The following GRID2 variants were observed in gnomAD, a reference collection of about 807,000 sequenced individuals.
The protein encoded by GRID2 is glutamate receptor ionotropic, delta-2.
A neutral mutation model predicts 114.8 loss-of-function variants in GRID2; 33 were observed. The observed-to-expected ratio is 0.29, with a 90% CI of 0.22 to 0.38. The LOEUF (loss-of-function observed/expected upper bound fraction) is 0.38, where lower values mean the gene tolerates loss of function less well. GRID2 is among the 10% of genes least tolerant of loss of function. The probability of loss-of-function intolerance (pLI) is 1.00; values close to 1 mark genes in which losing one functional copy is unlikely to be tolerated. For synonymous variants in GRID2, 505 were observed against 449.9 expected (o/e 1.12, Z -1.55); for missense variants, 1,184 against 1,257.7 (o/e 0.94, Z 0.89).
At chr4:93,217,964 T>C (rs950759607) in intron 6 of GRID2, among the ~76,000 whole-genome samples, 2 of 151,914 alleles carry the variant, frequency 1.3e-5, no homozygotes, top group Non-Finnish European at 2.9e-5. Flanking sequence ...AGTTTGGAAA[T>C]ATAACCCTAG....
intron 2 of GRID2, among the ~76,000 whole-genome samples, chr4:92,760,879 A>G (rs1340696895): frequency 1.3e-5 from 2 of 152,188 alleles, no homozygotes; most frequent in African/African-American, 2.4e-5. Context: ...TGAGGCTCTA[A>G]ATGATCACAT....
At chr4:93,676,343 T>G (rs1256123605) in intron 14 of GRID2, among the ~76,000 whole-genome samples, 1 of 152,068 alleles carries the variant, frequency 6.6e-6, no homozygotes, top group Non-Finnish European at 1.5e-5. Context: ...AAATTAGGCC[T>G]CAAAGCAATG....
intron 2 of GRID2, among the ~76,000 whole-genome samples, chr4:92,723,244 T>G (rs1735897670): frequency 6.6e-6 from 1 of 151,974 alleles, no homozygotes; most frequent in African/African-American, 2.4e-5. Context: ...AAATTGGAAT[T>G]TAAGATGTTG....
intron 14 of GRID2, among the ~76,000 whole-genome samples, chr4:93,714,062 A>G (rs1012758356): frequency 1.3e-5 from 2 of 152,050 alleles, no homozygotes; most frequent in African/African-American, 4.8e-5. Context: ...CCTAGCATCC[A>G]TTAGCTATTC....
chr4:93,383,308 A>G lies in GRID2; in HGVS notation c.1246-12299A>G, dbSNP rs189858563. 6.8e-4 allele frequency among the ~76,000 whole-genome samples: 103 copies of G among 152,238 alleles called. 1 individual carries two copies. The East Asian group carries it at 0.014, about 20-fold the overall frequency. On this transcript the variant is annotated intron_variant, in intron 8 of 15. Coordinates refer to ENST00000282020, the MANE Select transcript of GRID2 (RefSeq NM_001510.4). Reference sequence around the variant, plus strand: ...AGATCTCCAATATTTGGATTATAACATTCCTTTTGCCCATGCTGGCTTTTG... The same window carrying G: ...AGATCTCCAATATTTGGATTATAACGTTCCTTTTGCCCATGCTGGCTTTTG...
intron 1 of GRID2, among the ~76,000 whole-genome samples, chr4:92,367,597 G>T (rs1428267711): frequency 6.6e-6 from 1 of 152,010 alleles, no homozygotes; most frequent in Non-Finnish European, 1.5e-5. Flanking sequence ...GTGGGCATTG[G>T]GCAGAAAGGG....
At position 93,316,712 on chromosome 4, in the gene GRID2, G is replaced by A. The variant is rs146547164; in HGVS notation, c.1245+78222G>A. 2.5e-3 allele frequency among the ~76,000 whole-genome samples: 383 copies of A among 152,204 alleles called. 2 individuals carry two copies. The highest frequency in any genetic ancestry group is 8.5e-3 in the African/African-American group (354 of 41,540). ...TGGTCACATGTGATTCATTAGTTTA[G>A]AGAACCAAGTTACTTGGCTGTATTT... On this transcript the variant is annotated intron_variant, in intron 8 of 15. Transcript: ENST00000282020.
At chr4:92,340,641 T>C (rs1269697011) in intron 1 of GRID2, among the ~76,000 whole-genome samples, 1 of 152,222 alleles carries the variant, frequency 6.6e-6, no homozygotes, top group Non-Finnish European at 1.5e-5. Context: ...GAAGTGTTTC[T>C]GACCTTCTCC....
At chr4:92,530,167 G>A (rs1725261119) in intron 1 of GRID2, among the ~76,000 whole-genome samples, 1 of 151,900 alleles carries the variant, frequency 6.6e-6, no homozygotes, top group African/African-American at 2.4e-5. Flanking sequence ...GCAGAAGGAT[G>A]ATAGAATTAG....
chr4:93,471,622 T>C (rs1254898930), intron 11 of GRID2, among the ~76,000 whole-genome samples: 2 of 151,274 alleles, frequency 1.3e-5, no homozygotes, highest in Non-Finnish European at 2.9e-5. Flanking sequence ...ATTCTCAAGA[T>C]TATACATACT....
In GRID2 at chr4:93,644,275, C is replaced by G. The variant is rs560330409; in HGVS notation, c.2360+17840C>G. 4.1e-5 allele frequency among the ~76,000 whole-genome samples: 2 copies of G among 48,934 alleles called. 1 individual carries two copies. The highest frequency in any genetic ancestry group is 4.1e-4 in the African/African-American group (2 of 4,908). The allele number at this position is 48,934 out of a possible 152,430, so 32.1% of individuals were successfully genotyped here. A position where few individuals can be genotyped will look rare whatever the true frequency, so the allele number is the denominator to read the frequency against. On this transcript the variant is annotated intron_variant, in intron 14 of 15. Coordinates refer to ENST00000282020, the MANE Select transcript of GRID2 (RefSeq NM_001510.4). ...GAAATGCAGAAATCACCGTCTTCTGCGTCGCTCACGCTGGGAGCTGTAGAC... is the reference window on the plus strand; with the variant it reads ...GAAATGCAGAAATCACCGTCTTCTGGGTCGCTCACGCTGGGAGCTGTAGAC...
At chr4:92,330,740 T>A (rs1393728014) in intron 1 of GRID2, among the ~76,000 whole-genome samples, 4 of 151,934 alleles carry the variant, frequency 2.6e-5, no homozygotes, top group Admixed American at 2.6e-4. Context: ...CATTATAAAA[T>A]ATATATATAA....
At chr4:92,592,398 A>G (rs1728748399) in intron 2 of GRID2, among the ~76,000 whole-genome samples, 1 of 152,178 alleles carries the variant, frequency 6.6e-6, no homozygotes, top group South Asian at 2.1e-4. Context: ...ATTATAAATT[A>G]AGAAGAAAAA....
chr4:93,391,664 A>G (rs1560572768), intron 8 of GRID2, among the ~76,000 whole-genome samples: 1 of 152,184 alleles, frequency 6.6e-6, no homozygotes, highest in East Asian at 1.9e-4. Context: ...TTGACATTAT[A>G]ACACTGCCTG....
chr4:92,424,272 C>G (rs10011953), intron 1 of GRID2, among the ~76,000 whole-genome samples: 1 of 151,720 alleles, frequency 6.6e-6, no homozygotes, highest in Non-Finnish European at 1.5e-5. Flanking sequence ...CTTCAAAGGA[C>G]CTGTACTTCT....
chr4:92,604,238 C>T (rs190085296), intron 2 of GRID2, among the ~76,000 whole-genome samples: 16 of 152,064 alleles, frequency 1.1e-4, no homozygotes, highest in Non-Finnish European at 1.9e-4. Context: ...TACTTGCATG[C>T]GTATCTTCAT....
chr4:93,681,899 G>T (rs973638842), intron 14 of GRID2, among the ~76,000 whole-genome samples: 3 of 151,554 alleles, frequency 2.0e-5, no homozygotes, highest in South Asian at 4.2e-4. Flanking sequence ...AACACCAAAA[G>T]CAATGGCAAC....
intron 8 of GRID2, among the ~76,000 whole-genome samples, chr4:93,316,328 G>GAA (rs1359506467): frequency 2.0e-5 from 1 of 49,984 alleles, no homozygotes. Flanking sequence ...AAGAAAGAAA[G>GAA]AAAGAAAGAA....
intron 4 of GRID2, among the ~76,000 whole-genome samples, chr4:93,131,773 A>T (rs1359222757): frequency 6.6e-6 from 1 of 152,128 alleles, no homozygotes; most frequent in Non-Finnish European, 1.5e-5. Flanking sequence ...CATGTTGGAA[A>T]CATTCCTGGT....
Sources: allele counts gnomAD v4.1 joint callset (sites outside exome capture counted in the v4.1 genomes callset), GRCh38; gene constraint gnomAD v4.1.1; transcripts MANE v1.5; gene names NCBI Gene and HGNC (gene_info 2026-07-23, HGNC 2026-07-21).